Variants in NUP93 observed in about 807,000 individuals in gnomAD.
The protein encoded by NUP93 is nucleoporin 93.
NUP93 carries 55 observed loss-of-function variants against 107.8 expected under a neutral mutation model. The ratio of observed to expected loss-of-function variants is 0.51; its 90% confidence interval spans 0.41 to 0.64. The LOEUF is 0.64. Among genes scored for constraint, NUP93 ranks in the 30% least tolerant of loss-of-function variants. NUP93 has a pLI of 0.00. For synonymous variants in NUP93, 390 were observed against 397.5 expected (o/e 0.98, Z 0.22); for missense variants, 937 against 1,044.7 (o/e 0.90, Z 1.42).
chr16:56,806,899 C>T (rs1270763594), intron 5 of NUP93, among the ~76,000 whole-genome samples: 1 of 152,184 alleles, frequency 6.6e-6, no homozygotes, highest in South Asian at 2.1e-4. Flanking sequence ...CTGCTGACCA[C>T]TCTGGTCTTT....
chr16:56,842,834 T>G, intron 21 of NUP93: 1 of 308,218 alleles, frequency 3.2e-6, no homozygotes, highest in Non-Finnish European at 6.4e-6. Flanking sequence ...ATTACAGATG[T>G]GAGCCACCGT....
At chr16:56,779,635 C>G (rs1962476376) in intron 3 of NUP93, among the ~76,000 whole-genome samples, 1 of 152,138 alleles carries the variant, frequency 6.6e-6, no homozygotes, top group South Asian at 2.1e-4. Flanking sequence ...AGGTCCTTTC[C>G]AGCCAGCATA....
chr16:56,803,456 TAATA>T (rs1294313944), intron 4 of NUP93, among the ~76,000 whole-genome samples: 1 of 151,310 alleles, frequency 6.6e-6, no homozygotes, highest in Non-Finnish European at 1.5e-5. Context: ...CAGAAAAAAA[TAATA>T]ATAATAATAA....
chr16:56,778,615 T>A (rs1962457879), intron 3 of NUP93, among the ~76,000 whole-genome samples: 1 of 152,138 alleles, frequency 6.6e-6, no homozygotes, highest in Admixed American at 6.6e-5. Flanking sequence ...ATCTGCCACA[T>A]GTGGTGCCTG....
intron 4 of NUP93, among the ~76,000 whole-genome samples, chr16:56,804,441 C>T (rs1431374070): frequency 6.6e-6 from 1 of 152,144 alleles, no homozygotes; most frequent in Non-Finnish European, 1.5e-5. Flanking sequence ...TTGTCTCTGG[C>T]TTATTTCACT....
intron 1 of NUP93, among the ~76,000 whole-genome samples, chr16:56,740,078 A>C (rs1428758385): frequency 5.9e-5 from 4 of 68,136 alleles, no homozygotes; most frequent in African/African-American, 6.4e-5. Flanking sequence ...CGGAGGGCTC[A>C]CCCCCCCACC....
chr16:56,813,723 A>G (rs1006784165), intron 5 of NUP93, among the ~76,000 whole-genome samples: 3 of 152,156 alleles, frequency 2.0e-5, no homozygotes, highest in African/African-American at 7.2e-5. Flanking sequence ...TATTATCTCA[A>G]ATAGTATCAT....
Position 56,784,017 on chromosome 16 carries a change from T to A in NUP93, c.298-14459T>A, listed in dbSNP as rs1962572846. On this transcript the variant is annotated intron_variant, in intron 3 of 21. Transcript: ENST00000308159. ...CGTTACACTGGATTTTTTTTTAATG[T>A]ATTTCTCAAAAACCAGGTGTGATAT... 7.1e-6 allele frequency: 3 copies of A among 424,440 alleles called. No homozygotes were observed. In the South Asian group the frequency reaches 3.0e-4, roughly 42 times the overall value. The allele number at this position is 424,440 out of a possible 1,614,324, so 26.3% of individuals were successfully genotyped here. A position where few individuals can be genotyped will look rare whatever the true frequency, so the allele number is the denominator to read the frequency against.
intron 1 of NUP93, among the ~76,000 whole-genome samples, chr16:56,730,626 C>T (rs1187245448): frequency 1.3e-5 from 2 of 152,124 alleles, no homozygotes; most frequent in Non-Finnish European, 1.5e-5. Context: ...GTGGACACAC[C>T]CTGTAGGGAG....
intron 1 of NUP93, 180 bp from the exon 2 acceptor site, chr16:56,748,054 T>G: frequency 8.9e-6 from 4 of 449,278 alleles, no homozygotes; most frequent in African/African-American, 2.0e-5. Context: ...GCCTGACTCA[T>G]TTTCTCTGTC....
At chr16:56,769,829 A>G (rs1962287356) in intron 3 of NUP93, among the ~76,000 whole-genome samples, 1 of 152,232 alleles carries the variant, frequency 6.6e-6, no homozygotes. Flanking sequence ...GGTTTAATGC[A>G]AACCCATTTC....
intron 1 of NUP93, among the ~76,000 whole-genome samples, chr16:56,732,033 A>G (rs1474791438): frequency 1.3e-5 from 2 of 152,034 alleles, no homozygotes; most frequent in Non-Finnish European, 2.9e-5. Flanking sequence ...TCCCTTTCCA[A>G]ACGTCAGACA....
chr16:56,780,870 ATGATGG>A (rs1308937461), intron 3 of NUP93, among the ~76,000 whole-genome samples: 6 of 152,162 alleles, frequency 3.9e-5, no homozygotes, highest in African/African-American at 7.2e-5. Flanking sequence ...CTGCACCATG[ATGATGG>A]CCCATCACCT....
intron 3 of NUP93, among the ~76,000 whole-genome samples, chr16:56,796,644 A>G (rs944770809): frequency 1.3e-5 from 2 of 152,254 alleles, no homozygotes; most frequent in African/African-American, 2.4e-5. Context: ...AGCTTTTGCC[A>G]AATTCTACTT....
chr16:56,788,242 A>G (rs1222718929), intron 3 of NUP93, among the ~76,000 whole-genome samples: 3 of 152,160 alleles, frequency 2.0e-5, no homozygotes, highest in African/African-American at 7.2e-5. Flanking sequence ...TGGCCAGCAG[A>G]GGCCCTTCCA....
At position 56,779,107 on chromosome 16, in the gene NUP93, A is replaced by C. The variant is rs138426622; in HGVS notation, c.298-19369A>C. ...TTACTCTTAAAAGCACTTACCCACC[A>C]GTACTATTGATCTTCCCAGCAGCCT... On this transcript the variant is annotated intron_variant, in intron 3 of 21. Transcript: ENST00000308159. Among the ~76,000 whole-genome samples the C allele has an allele frequency of 2.0e-3, 309 of 152,258 alleles. 1 individual carries two copies. Among genetic ancestry groups the C allele is most frequent in the African/African-American group, 7.0e-3 (292 of 41,542 alleles).
intron 3 of NUP93, among the ~76,000 whole-genome samples, chr16:56,768,783 T>C (rs551660034): frequency 1.0e-3 from 153 of 149,014 alleles, no homozygotes; most frequent in Admixed American, 1.9e-3. Flanking sequence ...AGGAGAATGG[T>C]GTGAACCCAG....
chr16:56,789,413 C>T lies in NUP93; in HGVS notation c.298-9063C>T, dbSNP rs1021858343. Among the ~76,000 whole-genome samples, 10 of 152,144 alleles carry T rather than the reference C, an allele frequency of 6.6e-5. No individual in the cohort carries two copies. The East Asian group carries it at 7.7e-4, about 12-fold the overall frequency. Reference sequence around the variant, plus strand: ...AAATCCGTCACATAATTGTGTGAACCTTTTTTTAGCCCAATAGCAGAAACC... The same window carrying T: ...AAATCCGTCACATAATTGTGTGAACTTTTTTTTAGCCCAATAGCAGAAACC... On this transcript the variant is annotated intron_variant, in intron 3 of 21. Transcript: ENST00000308159.
At chr16:56,808,075 A>T (rs1414481644) in intron 5 of NUP93, among the ~76,000 whole-genome samples, 5 of 140,824 alleles carry the variant, frequency 3.6e-5, no homozygotes, top group East Asian at 2.0e-4. Context: ...ATATATATAA[A>T]TATAAAAATA....
Sources: gnomAD v4.1 joint callset for allele counts (sites outside exome capture counted in the v4.1 genomes callset) on GRCh38, gnomAD v4.1.1 for gene constraint, MANE v1.5 for transcripts, NCBI Gene and HGNC (gene_info 2026-07-23, HGNC 2026-07-21) for gene names.